SLC2A9: variants seen among roughly 807,000 people sequenced by gnomAD.
SLC2A9 encodes the protein solute carrier family 2 member 9.
A neutral mutation model predicts 50.6 loss-of-function variants in SLC2A9; 39 were observed. That is an observed-to-expected ratio of 0.77 (90% CI 0.60 to 1.01). SLC2A9 has a LOEUF of 1.01. Ranked by LOEUF, SLC2A9 falls within the 50% of genes least tolerant of loss-of-function variation. The probability of loss-of-function intolerance (pLI) is 0.00; values close to 1 mark genes in which losing one functional copy is unlikely to be tolerated. For missense variants in SLC2A9, 686 were observed against 677.6 expected (o/e 1.01, Z -0.14); for synonymous variants, 324 against 276.9 (o/e 1.17, Z -1.69).
chr4:9,810,618 G>A (rs1196755326), intron 3 of SLC2A9, among the ~76,000 whole-genome samples: 1 of 152,232 alleles, frequency 6.6e-6, no homozygotes, highest in African/African-American at 2.4e-5. Flanking sequence ...GTATCATTAA[G>A]AAAAGTCAGT....
At chr4:9,886,492 C>T (rs1736292681) in intron 10 of SLC2A9, among the ~76,000 whole-genome samples, 1 of 149,820 alleles carries the variant, frequency 6.7e-6, no homozygotes, top group African/African-American at 2.5e-5. Flanking sequence ...CATGTATGTG[C>T]ACCTGATGCC....
At chr4:9,913,549 G>A (rs12649245) in intron 7 of SLC2A9, among the ~76,000 whole-genome samples, 3 of 152,022 alleles carry the variant, frequency 2.0e-5, no homozygotes, top group Non-Finnish European at 2.9e-5. Flanking sequence ...CTGTTTCCAG[G>A]GACCTCCTTT....
chr4:9,861,021 C>T (rs1369492602), intron 10 of SLC2A9, among the ~76,000 whole-genome samples: 1 of 152,206 alleles, frequency 6.6e-6, no homozygotes, highest in Non-Finnish European at 1.5e-5. Flanking sequence ...TCATTCTCCT[C>T]CTCATTTTGC....
At chr4:9,869,189 G>A (rs1732996206) in intron 10 of SLC2A9, among the ~76,000 whole-genome samples, 2 of 152,262 alleles carry the variant, frequency 1.3e-5, no homozygotes, top group South Asian at 4.1e-4. Context: ...AGAGAAAACG[G>A]AGGCTGAGAA....
At chr4:9,912,788 T>G (rs1163151274) in intron 7 of SLC2A9, among the ~76,000 whole-genome samples, 4 of 152,182 alleles carry the variant, frequency 2.6e-5, no homozygotes, top group African/African-American at 9.7e-5. Context: ...ACATCTTACT[T>G]TACATGGCCA....
intron 10 of SLC2A9, among the ~76,000 whole-genome samples, chr4:9,859,319 C>G (rs1731240460): frequency 6.6e-6 from 1 of 152,182 alleles, no homozygotes; most frequent in South Asian, 2.1e-4. Flanking sequence ...AAGGTGAACA[C>G]CTTAAACAAA....
At chr4:9,963,535 C>T (rs1199772949) in intron 5 of SLC2A9, among the ~76,000 whole-genome samples, 2 of 152,188 alleles carry the variant, frequency 1.3e-5, no homozygotes, top group African/African-American at 4.8e-5. Context: ...GACCACCTGA[C>T]CACTATGTAG....
chr4:9,852,441 A>G (rs993064663), intron 10 of SLC2A9, among the ~76,000 whole-genome samples: 11 of 151,548 alleles, frequency 7.3e-5, no homozygotes, highest in Admixed American at 6.6e-5. Flanking sequence ...TTTAGTAGAG[A>G]CGGGGTTTCA....
chr4:9,826,157 G>C (rs1312898508), downstream of SLC2A9: 1 of 531,830 alleles, frequency 1.9e-6, no homozygotes, highest in Non-Finnish European at 3.3e-6. Context: ...AACATAGAGT[G>C]ATTCCTTGCA....
At chr4:9,960,085 C>T (rs1396528650) in intron 5 of SLC2A9, among the ~76,000 whole-genome samples, 1 of 27,346 alleles carries the variant, frequency 3.7e-5, no homozygotes, top group Non-Finnish European at 5.5e-5. Flanking sequence ...CTTGGAAAAG[C>T]CGCAAGTCAA....
At chr4:9,970,843 GCCT>G (rs1342334761) in intron 5 of SLC2A9, among the ~76,000 whole-genome samples, 1 of 152,208 alleles carries the variant, frequency 6.6e-6, no homozygotes, top group East Asian at 1.9e-4. Flanking sequence ...GCCTGGGCCT[GCCT>G]GGCCTAAACC....
intron 11 of SLC2A9, among the ~76,000 whole-genome samples, chr4:9,829,870 C>T (rs1725780550): frequency 6.6e-6 from 1 of 152,166 alleles, no homozygotes; most frequent in Non-Finnish European, 1.5e-5. Flanking sequence ...ACAACAGATG[C>T]TGGCGAGCTT....
chr4:9,996,773 C>T lies in SLC2A9; in HGVS notation c.410+8G>A. ...GGCACCCCCAGATAGAGACAGCCTC[C>T]TACTGACCTCCCAAGAACCTTTCCA... On this transcript the variant is annotated splice_region_variant and intron_variant, in intron 3 of 11. Transcript: ENST00000264784. 6 of 1,613,302 alleles carry T rather than the reference C, an allele frequency of 3.7e-6. No individual in the cohort carries two copies. Among genetic ancestry groups the T allele is most frequent in the Non-Finnish European group, 5.1e-6 (6 of 1,179,472 alleles).
chr4:9,785,047 T>G (rs1360774746), intron 3 of SLC2A9, among the ~76,000 whole-genome samples: 2 of 152,210 alleles, frequency 1.3e-5, no homozygotes, highest in Non-Finnish European at 2.9e-5. Flanking sequence ...AAAATGATAC[T>G]GGAATCTGAG....
At chr4:9,830,241 C>A (rs1309813839) in intron 11 of SLC2A9, among the ~76,000 whole-genome samples, 1 of 152,122 alleles carries the variant, frequency 6.6e-6, no homozygotes, top group East Asian at 1.9e-4. Context: ...GAAGCTGTTA[C>A]CCTCAGAAAA....
At chr4:9,835,544 C>G (rs759895207) in intron 10 of SLC2A9, among the ~76,000 whole-genome samples, 3 of 152,248 alleles carry the variant, frequency 2.0e-5, no homozygotes, top group Non-Finnish European at 2.9e-5. Context: ...TCTAGAGAGA[C>G]AGTGAACACA....
At chr4:9,782,989 T>C in intron 3 of SLC2A9, 3 of 1,614,216 alleles carry the variant, frequency 1.9e-6, no homozygotes, top group Non-Finnish European at 2.5e-6. Context: ...GCATGGTCCC[T>C]TTCTGCAGTG....
intron 1 of SLC2A9, among the ~76,000 whole-genome samples, chr4:10,030,561 C>A (rs1014594708): frequency 3.3e-5 from 5 of 151,962 alleles, no homozygotes; most frequent in Non-Finnish European, 7.4e-5. Context: ...GGGTGATAGG[C>A]CATTCAAGTG....
intron 5 of SLC2A9, among the ~76,000 whole-genome samples, chr4:9,979,772 G>A (rs1192190697): frequency 6.6e-6 from 1 of 152,096 alleles, no homozygotes; most frequent in East Asian, 1.9e-4. Flanking sequence ...AGTCTGTGGT[G>A]GCTCAGTGAA....
Sources: allele counts gnomAD v4.1 joint callset (sites outside exome capture counted in the v4.1 genomes callset), GRCh38; gene constraint gnomAD v4.1.1; transcripts MANE v1.5; gene names NCBI Gene and HGNC (gene_info 2026-07-23, HGNC 2026-07-21).